Variants in ATXN7L1 observed in about 807,000 individuals in gnomAD.
ATXN7L1 encodes ataxin 7 like 1.
A neutral mutation model predicts 70.8 loss-of-function variants in ATXN7L1; 15 were observed. That is an observed-to-expected ratio of 0.21 (90% CI 0.14 to 0.33). ATXN7L1 has a LOEUF of 0.33. Among genes scored for constraint, ATXN7L1 ranks in the 10% least tolerant of loss-of-function variants. The pLI is 1.00. For synonymous variants in ATXN7L1, 440 were observed against 445.1 expected, an observed-to-expected ratio of 0.99 and a Z score of 0.14; for missense variants, 975 against 1,097.1, an observed-to-expected ratio of 0.89 and a Z score of 1.57.
At chr7:105,692,263 A>G (rs1790985966) in intron 3 of ATXN7L1, among the ~76,000 whole-genome samples, 1 of 152,150 alleles carries the variant, frequency 6.6e-6, no homozygotes, top group Non-Finnish European at 1.5e-5. Context: ...GATTTTGCAA[A>G]TGTGGAGGCT....
chr7:105,836,603 C>T (rs1401857892), intron 2 of ATXN7L1, among the ~76,000 whole-genome samples: 3 of 152,178 alleles, frequency 2.0e-5, no homozygotes. Context: ...AACTGGGAGA[C>T]ATCAGGGCAG....
intron 4 of ATXN7L1, among the ~76,000 whole-genome samples, chr7:105,659,676 C>G (rs1160670407): frequency 6.6e-6 from 1 of 151,972 alleles, no homozygotes; most frequent in Non-Finnish European, 1.5e-5. Context: ...TGCCCTCAGA[C>G]TCCTCTTTCC....
At chr7:105,846,352 G>A (rs536718025) in intron 2 of ATXN7L1, among the ~76,000 whole-genome samples, 1 of 152,010 alleles carries the variant, frequency 6.6e-6, no homozygotes, top group Admixed American at 6.6e-5. Flanking sequence ...GTGCCATCAA[G>A]CACATTAAAA....
chr7:105,764,117 T>C (rs747579704), intron 3 of ATXN7L1, among the ~76,000 whole-genome samples: 3 of 151,896 alleles, frequency 2.0e-5, no homozygotes, highest in African/African-American at 7.3e-5. Flanking sequence ...GCCTTCCAAA[T>C]TGCTGAGATT....
At chr7:105,733,321 C>T (rs1237678838) in intron 3 of ATXN7L1, among the ~76,000 whole-genome samples, 1 of 152,214 alleles carries the variant, frequency 6.6e-6, no homozygotes, top group Non-Finnish European at 1.5e-5. Context: ...CCTTTCCATT[C>T]TTTAAAGCTC....
chr7:105,827,108 G>T (rs564769923), intron 2 of ATXN7L1, among the ~76,000 whole-genome samples: 12 of 152,158 alleles, frequency 7.9e-5, no homozygotes, highest in Non-Finnish European at 1.6e-4. Context: ...AAAAGGAAAG[G>T]ATGGGGACTC....
chr7:105,799,735 C>G (rs1806535641), intron 2 of ATXN7L1, among the ~76,000 whole-genome samples: 1 of 152,146 alleles, frequency 6.6e-6, no homozygotes, highest in Non-Finnish European at 1.5e-5. Context: ...GGTCAGTGTC[C>G]ACTTGGGAGA....
rs150948758 is a variant in ATXN7L1, at chr7:105,613,788, C to T, written c.2472+74G>A. On this transcript the variant is annotated intron_variant, in intron 10 of 11. Transcript: ENST00000419735. Reference sequence around the variant, plus strand: ...GCTTGTGTTACCTGTCGGAGCCGCCCGGCTAAGCAGGGGCGCTGCCCAGCT... The same window carrying T: ...GCTTGTGTTACCTGTCGGAGCCGCCTGGCTAAGCAGGGGCGCTGCCCAGCT... The T allele has an allele frequency of 7.4e-3, 11,451 of 1,549,270 alleles. 72 individuals carry two copies. Among genetic ancestry groups the T allele is most frequent in the Middle Eastern group, 0.05 (299 of 5,976 alleles).
chr7:105,745,437 C>T (rs905549009), intron 3 of ATXN7L1, among the ~76,000 whole-genome samples: 3 of 152,162 alleles, frequency 2.0e-5, no homozygotes, highest in South Asian at 2.1e-4. Context: ...ACGGGAATTC[C>T]GTTTGTACGC....
At chr7:105,645,760 C>T (rs531979601) in intron 4 of ATXN7L1, among the ~76,000 whole-genome samples, 1 of 152,002 alleles carries the variant, frequency 6.6e-6, no homozygotes, top group South Asian at 2.1e-4. Context: ...TTACAGTGAG[C>T]CGAGATAGTG....
chr7:105,628,177 T>C (rs1177430101), intron 7 of ATXN7L1, among the ~76,000 whole-genome samples: 4 of 152,086 alleles, frequency 2.6e-5, no homozygotes, highest in Non-Finnish European at 5.9e-5. Context: ...TTGGAAGGCG[T>C]CTGAGGTGAA....
chr7:105,691,401 G>A (rs1370952021), intron 3 of ATXN7L1, among the ~76,000 whole-genome samples: 2 of 151,966 alleles, frequency 1.3e-5, no homozygotes, highest in Admixed American at 1.3e-4. Context: ...ATACACCGCC[G>A]TTTCTCTAAG....
intron 2 of ATXN7L1, chr7:105,819,460 A>G: frequency 2.9e-6 from 2 of 683,078 alleles, no homozygotes; most frequent in Non-Finnish European, 2.6e-6. Flanking sequence ...AAAAAAAAAA[A>G]AAGAGTGTCC....
At chr7:105,653,772 C>T (rs1584531819) in intron 4 of ATXN7L1, among the ~76,000 whole-genome samples, 2 of 152,046 alleles carry the variant, frequency 1.3e-5, no homozygotes, top group East Asian at 1.9e-4. Context: ...CCACCTTCTC[C>T]TGTAGCCTCG....
intron 3 of ATXN7L1, among the ~76,000 whole-genome samples, chr7:105,692,955 C>T (rs1189656301): frequency 6.6e-6 from 1 of 152,148 alleles, no homozygotes; most frequent in African/African-American, 2.4e-5. Context: ...TGGCCTCAAG[C>T]GATCCTCCTG....
In ATXN7L1 at chr7:105,614,354, AGAGGAGGAGGAGGAG is replaced by A. The variant is rs150182467; in HGVS notation, c.1965_1979del (p.Ser657_Ser661del). On this transcript the variant is annotated inframe_deletion, in exon 10 of 12. Coordinates refer to ENST00000419735, the MANE Select transcript of ATXN7L1 (RefSeq NM_020725.2). This position sits in a 1 kb window ranked among gnomAD's most constrained non-coding sequence, Gnocchi z 4.3. ...GAGACGAGAGGGATGTCTGCAAGGAAGAGGAGGAGGAGGAGGAGGAGGAGGAAGTCGAAGACTGTG... is the reference window on the plus strand; with the variant it reads ...GAGACGAGAGGGATGTCTGCAAGGAAGAGGAGGAGGAAGTCGAAGACTGTG... 2 of 1,550,220 alleles carry A rather than the reference AGAGGAGGAGGAGGAG, an allele frequency of 1.3e-6. No individual in the cohort carries two copies. The highest frequency in any genetic ancestry group is 2.4e-5 in the South Asian group (2 of 83,908).
At chr7:105,854,148 T>A (rs1490254799) in intron 2 of ATXN7L1, among the ~76,000 whole-genome samples, 1 of 151,342 alleles carries the variant, frequency 6.6e-6, no homozygotes, top group Non-Finnish European at 1.5e-5. Flanking sequence ...TAAACTGCCA[T>A]CCTGCTATAA....
At chr7:105,807,714 G>T (rs1029721643) in intron 2 of ATXN7L1, among the ~76,000 whole-genome samples, 1 of 152,146 alleles carries the variant, frequency 6.6e-6, no homozygotes, top group Non-Finnish European at 1.5e-5. Flanking sequence ...TAGCATGGAC[G>T]GACCCACATG....
chr7:105,710,775 G>T (rs1359588330), intron 3 of ATXN7L1, among the ~76,000 whole-genome samples: 1 of 152,102 alleles, frequency 6.6e-6, no homozygotes, highest in African/African-American at 2.4e-5. Flanking sequence ...TAAAGCATCA[G>T]ATCTTGTGAG....
Sources: allele counts gnomAD v4.1 joint callset (sites outside exome capture counted in the v4.1 genomes callset), GRCh38; gene constraint gnomAD v4.1.1; non-coding constraint Gnocchi (gnomAD v3.1); transcripts MANE v1.5; gene names NCBI Gene and HGNC (gene_info 2026-07-23, HGNC 2026-07-21).